TBC1D5: variants seen among roughly 807,000 people sequenced by gnomAD.
TBC1D5 encodes TBC1 domain family, member 5.
In TBC1D5, 75 loss-of-function variants were observed where a neutral mutation model predicts 100.3. That is an observed-to-expected ratio of 0.75 (90% CI 0.62 to 0.91). TBC1D5 has a LOEUF of 0.91. TBC1D5 is among the 40% of genes least tolerant of loss of function. The pLI is 0.00. For missense variants in TBC1D5, 910 were observed against 942.4 expected (o/e 0.97, Z 0.45); for synonymous variants, 323 against 325.6 (o/e 0.99, Z 0.09).
chr3:17,597,591 A>G (rs2060652452), intron 2 of TBC1D5, among the ~76,000 whole-genome samples: 1 of 152,232 alleles, frequency 6.6e-6, no homozygotes, highest in African/African-American at 2.4e-5. Flanking sequence ...AAACTTTTAT[A>G]CAGCCAAATA....
chr3:17,211,232 T>G (rs2733516), intron 18 of TBC1D5, among the ~76,000 whole-genome samples: 60,142 of 152,104 alleles, frequency 0.4, 12,624 homozygotes, highest in Middle Eastern at 0.5. Flanking sequence ...AACTGGCTGT[T>G]TCCTTGGAGC....
intron 13 of TBC1D5, among the ~76,000 whole-genome samples, chr3:17,352,684 A>AAAAAAAAC (rs1491407743): frequency 4.4e-5 from 3 of 68,398 alleles, no homozygotes. Flanking sequence ...AGCAAAAGGC[A>AAAAAAAAC]AAAAAAAAAA....
intron 1 of TBC1D5, among the ~76,000 whole-genome samples, chr3:17,697,355 C>A (rs2153837826): frequency 6.6e-6 from 1 of 152,240 alleles, no homozygotes; most frequent in East Asian, 1.9e-4. Context: ...TTTAGAAAAC[C>A]CCATCGTCTC....
At chr3:17,274,849 T>C (rs903537177) in intron 15 of TBC1D5, among the ~76,000 whole-genome samples, 2 of 152,182 alleles carry the variant, frequency 1.3e-5, no homozygotes, top group Non-Finnish European at 2.9e-5. Context: ...CAACTCCAAC[T>C]TTTAACAGGA....
intron 1 of TBC1D5, among the ~76,000 whole-genome samples, chr3:17,633,334 G>A (rs145765627): frequency 6.6e-6 from 1 of 152,080 alleles, no homozygotes; most frequent in Non-Finnish European, 1.5e-5. Flanking sequence ...AGCTACCTGG[G>A]AGGCTGAGGG....
chr3:17,700,372 A>C (rs976860013), intron 1 of TBC1D5, among the ~76,000 whole-genome samples: 1 of 152,202 alleles, frequency 6.6e-6, no homozygotes, highest in African/African-American at 2.4e-5. Context: ...AAACCATAAA[A>C]ACCCTAGAAG....
chr3:17,260,628 T>G (rs939016989), intron 15 of TBC1D5, among the ~76,000 whole-genome samples: 6 of 152,180 alleles, frequency 3.9e-5, no homozygotes, highest in African/African-American at 1.4e-4. Flanking sequence ...GAGGTTATGG[T>G]TGAAAGTTAT....
chr3:17,671,900 T>C (rs903519464), intron 1 of TBC1D5, among the ~76,000 whole-genome samples: 1 of 152,248 alleles, frequency 6.6e-6, no homozygotes, highest in Non-Finnish European at 1.5e-5. Flanking sequence ...ATAAACATTT[T>C]TCAGCTTTCT....
chr3:17,567,601 G>A (rs2096601666), intron 2 of TBC1D5, among the ~76,000 whole-genome samples: 1 of 151,608 alleles, frequency 6.6e-6, no homozygotes, highest in Admixed American at 6.6e-5. Context: ...TTCCTGATGG[G>A]AACTTAAACA....
chr3:17,350,526 G>A (rs1012512449), intron 13 of TBC1D5, among the ~76,000 whole-genome samples: 1 of 152,186 alleles, frequency 6.6e-6, no homozygotes, highest in Non-Finnish European at 1.5e-5. Context: ...CTACCTGCAT[G>A]TAATGATTTC....
At chr3:17,546,628 G>A (rs1031610184) in intron 2 of TBC1D5, among the ~76,000 whole-genome samples, 1 of 151,636 alleles carries the variant, frequency 6.6e-6, no homozygotes, top group East Asian at 1.9e-4. Flanking sequence ...AAATAACCGG[G>A]CATGGCGGCA....
At chr3:17,689,535 AAG>A (rs2070798018) in intron 1 of TBC1D5, among the ~76,000 whole-genome samples, 1 of 151,408 alleles carries the variant, frequency 6.6e-6, no homozygotes, top group African/African-American at 2.4e-5. Flanking sequence ...AAAAAAAAAA[AAG>A]AAAAGAAAAA....
chr3:17,197,777 C>T (rs1176253034), intron 18 of TBC1D5, among the ~76,000 whole-genome samples: 4 of 152,202 alleles, frequency 2.6e-5, no homozygotes, highest in African/African-American at 9.7e-5. Context: ...TAGCTCATGA[C>T]TGTAATTCCA....
chr3:17,693,406 A>G (rs577434475), intron 1 of TBC1D5, among the ~76,000 whole-genome samples: 38 of 152,222 alleles, frequency 2.5e-4, no homozygotes, highest in African/African-American at 8.4e-4. Flanking sequence ...CAAGGTCTTA[A>G]CAACCGGCAG....
intron 3 of TBC1D5, among the ~76,000 whole-genome samples, chr3:17,467,509 CA>C (rs910494501): frequency 1.3e-5 from 2 of 151,442 alleles, no homozygotes; most frequent in East Asian, 1.9e-4. Context: ...AAGACACAGA[CA>C]AAAAAAGTTA....
intron 2 of TBC1D5, among the ~76,000 whole-genome samples, chr3:17,583,189 G>A (rs1057214494): frequency 2.0e-4 from 30 of 152,188 alleles, no homozygotes; most frequent in African/African-American, 7.2e-4. Flanking sequence ...AGACGCTGAG[G>A]TAAGAGGATT....
chr3:17,437,306 G>A (rs1172738409), intron 3 of TBC1D5, among the ~76,000 whole-genome samples: 1 of 152,084 alleles, frequency 6.6e-6, no homozygotes, highest in East Asian at 1.9e-4. Context: ...AACAGACTAA[G>A]ATAACACATA....
At chr3:17,406,658 A>G (rs2093778341) in intron 4 of TBC1D5, 132 bp from the exon 5 acceptor site, 1 of 700,872 alleles carries the variant, frequency 1.4e-6, no homozygotes, top group Non-Finnish European at 2.3e-6. Flanking sequence ...TTAGTTGTGT[A>G]CTGTTTCTGA....
chr3:17,518,614 C>T (rs1264684132), intron 2 of TBC1D5, among the ~76,000 whole-genome samples: 1 of 152,214 alleles, frequency 6.6e-6, no homozygotes, highest in Non-Finnish European at 1.5e-5. Context: ...CTCATTTTTC[C>T]TGGATGCTGG....
Sources: gnomAD v4.1 joint callset for allele counts (sites outside exome capture counted in the v4.1 genomes callset) on GRCh38, gnomAD v4.1.1 for gene constraint, MANE v1.5 for transcripts, NCBI Gene and HGNC (gene_info 2026-07-23, HGNC 2026-07-21) for gene names.